Variants in SLC41A2 observed in about 807,000 individuals in gnomAD.
SLC41A2 encodes the protein SLC41A1-like 1.
A neutral mutation model predicts 58.3 loss-of-function variants in SLC41A2; 32 were observed. The observed-to-expected ratio is 0.55, with a 90% confidence interval of 0.41 to 0.74. The LOEUF (loss-of-function observed/expected upper bound fraction) is 0.74, where lower values mean the gene tolerates loss of function less well. SLC41A2 is among the 30% of genes least tolerant of loss of function. The pLI is 0.00. For synonymous variants in SLC41A2, 190 were observed against 235.0 expected, an observed-to-expected ratio of 0.81 and a Z score of 1.75; for missense variants, 514 against 680.6, an observed-to-expected ratio of 0.76 and a Z score of 2.72.
chr12:104,853,844 A>G (rs1286962247), intron 8 of SLC41A2, among the ~76,000 whole-genome samples: 4 of 150,558 alleles, frequency 2.7e-5, no homozygotes, highest in African/African-American at 9.8e-5. Flanking sequence ...CCTGGACTCA[A>G]GTGATCCTCC....
chr12:104,916,500 G>A (rs1163307475), intron 2 of SLC41A2, among the ~76,000 whole-genome samples: 1 of 152,058 alleles, frequency 6.6e-6, no homozygotes, highest in Non-Finnish European at 1.5e-5. Context: ...AACCAAAAAA[G>A]AGCCCGCATC....
rs569887768 is a variant in SLC41A2 at position 104,862,621 on chromosome 12, A to G, written c.1176-1251T>C. On this transcript the variant is annotated intron_variant, in intron 7 of 10. Transcript: ENST00000258538. ...TGAGTTACACTGTTAGTATGCTGTT[A>G]TATAGGCTTCTAGACTTTTTTTAAC... Among the ~76,000 whole-genome samples the G allele has an allele frequency of 2.6e-5, 4 of 152,340 alleles. No individual in the cohort carries two copies. The East Asian group carries it at 7.7e-4, about 29-fold the overall frequency.
At chr12:104,924,443 T>G (rs2046745143) in intron 2 of SLC41A2, among the ~76,000 whole-genome samples, 1 of 152,206 alleles carries the variant, frequency 6.6e-6, no homozygotes, top group Non-Finnish European at 1.5e-5. Context: ...CATGCATATG[T>G]GCATCAAAAG....
intron 2 of SLC41A2, among the ~76,000 whole-genome samples, chr12:104,917,976 AAAAT>A (rs2046406380): frequency 6.7e-6 from 1 of 148,204 alleles, no homozygotes; most frequent in African/African-American, 2.4e-5. Context: ...GTATAATAAT[AAAAT>A]AAAATAAATA....
At chr12:104,927,827 C>T in intron 2 of SLC41A2, 146 bp downstream of exon 2, 1 of 676,094 alleles carries the variant, frequency 1.5e-6, no homozygotes, top group Non-Finnish European at 2.2e-6. Context: ...AATAGATTCT[C>T]TCCCAGAGTC....
At chr12:104,855,264 A>C (rs1205111320) in intron 8 of SLC41A2, among the ~76,000 whole-genome samples, 5 of 152,218 alleles carry the variant, frequency 3.3e-5, no homozygotes, top group African/African-American at 1.2e-4. Context: ...ACAAAGACTT[A>C]CACTACAAAA....
At chr12:104,832,218 T>C (rs1358754789) in intron 10 of SLC41A2, among the ~76,000 whole-genome samples, 1 of 152,182 alleles carries the variant, frequency 6.6e-6, no homozygotes, top group African/African-American at 2.4e-5. Context: ...GAACAAACTT[T>C]TTCTATGTCA....
chr12:104,892,312 A>AAAG (rs1414426777), intron 4 of SLC41A2, among the ~76,000 whole-genome samples: 1 of 124,032 alleles, frequency 8.1e-6, no homozygotes, highest in African/African-American at 4.3e-5. Flanking sequence ...AAAATAAAAT[A>AAAG]AAATAAAATA....
intron 10 of SLC41A2, among the ~76,000 whole-genome samples, chr12:104,813,029 A>C (rs2041241778): frequency 6.6e-6 from 1 of 151,862 alleles, no homozygotes; most frequent in Non-Finnish European, 1.5e-5. Context: ...AAATACAAAA[A>C]TTAGCCAGAT....
At chr12:104,829,715 A>C (rs781700110) in intron 10 of SLC41A2, among the ~76,000 whole-genome samples, 41 of 152,130 alleles carry the variant, frequency 2.7e-4, no homozygotes, top group Non-Finnish European at 5.6e-4. Context: ...TCCAAGCAAC[A>C]GCCTTTAGCC....
chr12:104,914,878 T>A (rs1179090484), intron 2 of SLC41A2, among the ~76,000 whole-genome samples: 1 of 152,238 alleles, frequency 6.6e-6, no homozygotes, highest in African/African-American at 2.4e-5. Context: ...CCAGGATGCA[T>A]TATCAGTTAA....
At chr12:104,875,828 T>C (rs939985097) in intron 6 of SLC41A2, among the ~76,000 whole-genome samples, 2 of 152,164 alleles carry the variant, frequency 1.3e-5, no homozygotes, top group African/African-American at 4.8e-5. Context: ...TAAATGAGTT[T>C]GGAAGTATTT....
At chr12:104,827,573 T>C (rs1310574021) in intron 10 of SLC41A2, among the ~76,000 whole-genome samples, 1 of 152,260 alleles carries the variant, frequency 6.6e-6, no homozygotes, top group Admixed American at 6.5e-5. Flanking sequence ...ATCTCTGTAA[T>C]CTTTGGCACT....
intron 1 of SLC41A2, among the ~76,000 whole-genome samples, chr12:104,954,827 G>A (rs1183889393): frequency 6.6e-6 from 1 of 151,944 alleles, no homozygotes; most frequent in Non-Finnish European, 1.5e-5. Context: ...ACCTTTACTT[G>A]TATTTTCTAT....
intron 10 of SLC41A2, among the ~76,000 whole-genome samples, chr12:104,812,148 C>A (rs531301467): frequency 1.7e-4 from 26 of 152,302 alleles, no homozygotes; most frequent in Non-Finnish European, 3.5e-4. Context: ...GAGAGGAGAG[C>A]AGATGCTCAC....
chr12:104,934,272 C>T (rs2047178997), intron 1 of SLC41A2, among the ~76,000 whole-genome samples: 1 of 152,180 alleles, frequency 6.6e-6, no homozygotes, highest in South Asian at 2.1e-4. Context: ...GGATATTTAT[C>T]TCTAGCTACT....
intron 3 of SLC41A2, among the ~76,000 whole-genome samples, chr12:104,900,114 G>T (rs2045489793): frequency 6.6e-6 from 1 of 152,076 alleles, no homozygotes; most frequent in Non-Finnish European, 1.5e-5. Context: ...TGCCATATGA[G>T]ATCCAGGGAT....
At chr12:104,845,163 G>A (rs926664600) in intron 9 of SLC41A2, among the ~76,000 whole-genome samples, 3 of 151,882 alleles carry the variant, frequency 2.0e-5, no homozygotes, top group Non-Finnish European at 2.9e-5. Context: ...AAAGTGGCTC[G>A]TGCCTGTAGT....
At chr12:104,925,003 G>A (rs2046773486) in intron 2 of SLC41A2, among the ~76,000 whole-genome samples, 1 of 152,008 alleles carries the variant, frequency 6.6e-6, no homozygotes, top group South Asian at 2.1e-4. Flanking sequence ...CACTTATAAA[G>A]ACAAGCAAAG....
Sources: allele counts gnomAD v4.1 joint callset (sites outside exome capture counted in the v4.1 genomes callset), GRCh38; gene constraint gnomAD v4.1.1; transcripts MANE v1.5; gene names NCBI Gene and HGNC (gene_info 2026-07-23, HGNC 2026-07-21).